ABR: variants seen among roughly 807,000 people sequenced by gnomAD.
The protein encoded by ABR is active breakpoint cluster region-related protein.
A neutral mutation model predicts 107.2 loss-of-function variants in ABR; 35 were observed. The ratio of observed to expected loss-of-function variants is 0.33; its 90% CI spans 0.25 to 0.43. The LOEUF (loss-of-function observed/expected upper bound fraction) is 0.43. ABR is among the 20% of genes least tolerant of loss of function. ABR has a pLI of 1.00. For missense variants in ABR, 815 were observed against 1,115.2 expected (o/e 0.73, Z 3.83); for synonymous variants, 498 against 462.0 (o/e 1.08, Z -1.00).
Position 1,060,808 on chromosome 17 carries a change from C to A in ABR, c.1183-1941G>T, listed in dbSNP as rs187026671. ...GAGTTTGAGACCAGCCTGGCTAACA[C>A]GGTGAAACCCCGTCTCTACTAAAAA... On this transcript the variant is annotated intron_variant, in intron 10 of 22. Coordinates refer to ENST00000302538, the MANE Select transcript of ABR (RefSeq NM_021962.5). 4.0e-3 allele frequency among the ~76,000 whole-genome samples: 605 copies of A among 151,880 alleles called. 4 individuals carry two copies. The highest frequency in any genetic ancestry group is 0.014 in the African/African-American group (576 of 41,414).
intron 12 of ABR, chr17:1,057,723 G>A: frequency 4.1e-6 from 2 of 483,810 alleles, no homozygotes; most frequent in South Asian, 2.1e-5. Context: ...GAGAGGTAGA[G>A]AGAGAGAGAA....
Position 1,069,962 on chromosome 17 carries a change from C to T in ABR, c.1016+7G>A. On this transcript the variant is annotated splice_region_variant and intron_variant, in intron 9 of 22. Coordinates refer to ENST00000302538, the MANE Select transcript of ABR (RefSeq NM_021962.5). ...CCCGCCCCGTGCCCCTGGACTCACA[C>T]ACTCACCCTGCAGAGGTCTTCTTCA... 1 of 1,601,114 alleles carries T rather than the reference C, an allele frequency of 6.2e-7. No individual in the cohort carries two copies. Among genetic ancestry groups the T allele is most frequent in the Non-Finnish European group, 8.5e-7 (1 of 1,172,694 alleles).
intron 1 of ABR, among the ~76,000 whole-genome samples, chr17:1,133,049 G>C (rs2039915008): frequency 6.6e-6 from 1 of 151,958 alleles, no homozygotes; most frequent in Non-Finnish European, 1.5e-5. Context: ...TCGAGACCAG[G>C]CTGACCCACA....
rs1468561416 is a variant in ABR at position 1,078,961 on chromosome 17, A to ACGGACTCCAGCAT, written c.700+356_700+368dup. On this transcript the variant is annotated intron_variant, in intron 6 of 22. Transcript: ENST00000302538. The surrounding 1 kb of genome is among the most constrained non-coding windows in gnomAD (Gnocchi z 7.5). ...TCAGCCACCTTGCTGATGCTGCCGC[A>ACGGACTCCAGCAT]CGGACTCCAGCATCGGGCAGCCGCT... 6 of 1,508,668 alleles carry ACGGACTCCAGCAT rather than the reference A, an allele frequency of 4.0e-6. No homozygotes were observed. In the African/African-American group the frequency reaches 8.3e-5, roughly 21 times the overall value. 93.5% of individuals were successfully genotyped at this position (1,508,668 alleles called of 1,614,324 possible). A position where few individuals can be genotyped will look rare whatever the true frequency, so the allele number is the denominator to read the frequency against.
chr17:1,216,145 T>C (rs1436699846), intron 1 of ABR, among the ~76,000 whole-genome samples: 1 of 149,062 alleles, frequency 6.7e-6, no homozygotes, highest in East Asian at 2.0e-4. Context: ...AATCCCCCTC[T>C]CCGAGAAACA....
chr17:1,072,935 CT>C (rs1348590614), intron 7 of ABR, among the ~76,000 whole-genome samples, 181 bp from the exon 8 acceptor site: 2 of 152,174 alleles, frequency 1.3e-5, no homozygotes, highest in African/African-American at 2.4e-5. Context: ...AATCCCAGCA[CT>C]TTGGGAGGCC....
intron 2 of ABR, among the ~76,000 whole-genome samples, chr17:1,122,322 G>A (rs1488006230): frequency 6.6e-6 from 1 of 152,250 alleles, no homozygotes; most frequent in Non-Finnish European, 1.5e-5. Context: ...AAGGTGTCCA[G>A]ATACTTGTCC....
At chr17:1,110,599 C>G (rs528136115) in intron 2 of ABR, among the ~76,000 whole-genome samples, 1 of 152,324 alleles carries the variant, frequency 6.6e-6, no homozygotes, top group African/African-American at 2.4e-5. Flanking sequence ...GGCCCGAGTT[C>G]AGGCCACAGC....
At chr17:1,203,964 G>A (rs965328489) in intron 1 of ABR, among the ~76,000 whole-genome samples, 20 of 152,210 alleles carry the variant, frequency 1.3e-4, no homozygotes, top group African/African-American at 4.8e-4. Context: ...GGACCTCGGT[G>A]CCGGCTTCAC....
In ABR at chr17:1,051,611, C is replaced by T. The variant is rs1015959789; in HGVS notation, c.1562-977G>A. ...AGTCCTCCCACCTCCAGGGAGATGC[C>T]GAGGTTGTTCCCAGGGTACCAGAGG... On this transcript the variant is annotated intron_variant, in intron 14 of 22. Coordinates refer to ENST00000302538, the MANE Select transcript of ABR (RefSeq NM_021962.5). The surrounding 1 kb of genome is among the most constrained non-coding windows in gnomAD (Gnocchi z 4.3). Among the ~76,000 whole-genome samples, 1 of 152,164 alleles carries T rather than the reference C, an allele frequency of 6.6e-6. No homozygotes were observed. The highest frequency in any genetic ancestry group is 2.4e-5 in the African/African-American group (1 of 41,444).
intron 1 of ABR, among the ~76,000 whole-genome samples, chr17:1,196,136 A>G (rs2042558207): frequency 6.7e-6 from 1 of 150,236 alleles, no homozygotes; most frequent in Non-Finnish European, 1.5e-5. Context: ...CTCAAAAAAA[A>G]AAAAAAAAAT....
At chr17:1,109,083 G>C in intron 2 of ABR, 2 of 1,592,474 alleles carry the variant, frequency 1.3e-6, no homozygotes, top group Non-Finnish European at 1.7e-6. Context: ...GCCGGAGCCC[G>C]CGGAGGGCAG....
intron 1 of ABR, among the ~76,000 whole-genome samples, chr17:1,173,249 A>G (rs372207889): frequency 1.3e-4 from 14 of 109,178 alleles, no homozygotes; most frequent in East Asian, 7.0e-4. Context: ...CACCCAACAC[A>G]TCACCTCAGC....
chr17:1,138,307 G>C (rs1025924011), intron 1 of ABR, among the ~76,000 whole-genome samples: 4 of 152,072 alleles, frequency 2.6e-5, no homozygotes, highest in African/African-American at 9.7e-5. Flanking sequence ...GTGGACGACG[G>C]GGACAGGGAG....
intron 1 of ABR, among the ~76,000 whole-genome samples, chr17:1,195,413 C>T (rs967392213): frequency 2.0e-5 from 3 of 149,484 alleles, no homozygotes; most frequent in Non-Finnish European, 4.4e-5. Flanking sequence ...GTGTTTTCTA[C>T]TGCTACAGTG....
intron 2 of ABR, among the ~76,000 whole-genome samples, chr17:1,124,492 C>T (rs1445394516): frequency 2.0e-5 from 3 of 152,228 alleles, no homozygotes; most frequent in East Asian, 3.8e-4. Context: ...CATGTGTCTC[C>T]GACAGGCACA....
chr17:1,141,910 C>T (rs779290370), intron 1 of ABR, among the ~76,000 whole-genome samples: 1 of 152,046 alleles, frequency 6.6e-6, no homozygotes, highest in Admixed American at 6.6e-5. Context: ...AGGTGCCCGC[C>T]ACCACGCCCG....
intron 1 of ABR, among the ~76,000 whole-genome samples, chr17:1,132,376 A>ATTTT (rs2039883441): frequency 1.1e-5 from 1 of 88,284 alleles, no homozygotes; most frequent in African/African-American, 4.8e-5. Context: ...TACCGAAAGC[A>ATTTT]CTTTTTTTTT....
chr17:1,062,502 G>A (rs2034115172), intron 10 of ABR, among the ~76,000 whole-genome samples: 1 of 121,768 alleles, frequency 8.2e-6, no homozygotes, highest in Non-Finnish European at 1.7e-5. Context: ...GTTGTTATGT[G>A]AACTGAGGGA....
Sources: allele counts gnomAD v4.1 joint callset (sites outside exome capture counted in the v4.1 genomes callset), GRCh38; gene constraint gnomAD v4.1.1; non-coding constraint Gnocchi (gnomAD v3.1); transcripts MANE v1.5; gene names NCBI Gene and HGNC (gene_info 2026-07-23, HGNC 2026-07-21).